Variants in SIGLEC1 observed in about 807,000 individuals in gnomAD.
SIGLEC1 encodes sialic acid binding Ig like lectin 1.
Under a neutral mutation model 148.0 loss-of-function variants are expected in SIGLEC1, and 132 were observed. The ratio of observed to expected loss-of-function variants is 0.89; its 90% CI spans 0.77 to 1.03. SIGLEC1 has a LOEUF of 1.03. Among genes scored for constraint, SIGLEC1 ranks in the 50% least tolerant of loss-of-function variants. The pLI, the probability that SIGLEC1 is intolerant of heterozygous loss-of-function variation, is 0.00. For missense variants in SIGLEC1, 2,253 were observed against 2,271.4 expected, an observed-to-expected ratio of 0.99 and a Z score of 0.16; for synonymous variants, 945 against 969.0, an observed-to-expected ratio of 0.98 and a Z score of 0.46.
chr20:3,694,470 G>A lies in SIGLEC1; in HGVS notation c.3007C>T (p.Leu1003Phe), dbSNP rs1234633933. 3 of 1,601,968 alleles carry A rather than the reference G, an allele frequency of 1.9e-6. No homozygotes were observed. The highest frequency in any genetic ancestry group is 2.3e-5 in the East Asian group (1 of 44,372). Reference protein sequence around the residue: ...MDTGPGRLGLLLCRVDSDPPA... With the variant: ...MDTGPGRLGLFLCRVDSDPPA... ...GGGTCACTGTCCACACGGCACAGGA[G>A]GAGGCCCAGTCGTCCAGGGCCTGTG... is the stretch of plus-strand genomic sequence containing the variant. The change falls in exon 13 of 22, where the codon CTC becomes TTC. Residue 1003 changes from leucine to phenylalanine, a missense_variant. Physicochemically the swap from Leu to Phe is conservative, Grantham distance 22 (BLOSUM62 0). Coordinates refer to ENST00000344754, the MANE Select transcript of SIGLEC1 (RefSeq NM_023068.4).
intron 1 of SIGLEC1, among the ~76,000 whole-genome samples, chr20:3,709,531 G>C (rs2087917494): frequency 6.6e-6 from 1 of 152,162 alleles, no homozygotes; most frequent in Admixed American, 6.5e-5. Context: ...TCCTCAAAAA[G>C]TCAACATAGG....
Position 3,694,228 on chromosome 20 carries a change from G to A in SIGLEC1, c.3249C>T (p.Asp1083=), listed in dbSNP as rs79525664. ...LGQASASADF[D]AQAVNVQVWP... ...ACACACACACACACTGACCTTGAGC[G>A]TCGAAGTCAGCTGAGGCCGAGGCCT... Residue 1083 remains aspartate, a synonymous_variant, in exon 13 of 22, where the codon GAC becomes GAT. Transcript: ENST00000344754. 1,513 of 1,607,066 alleles carry A rather than the reference G, an allele frequency of 9.4e-4. 9 individuals carry two copies. In the African/African-American group the frequency reaches 0.015, roughly 16 times the overall value.
At chr20:3,711,037 G>C (rs1405434759) in intron 1 of SIGLEC1, among the ~76,000 whole-genome samples, 1 of 152,202 alleles carries the variant, frequency 6.6e-6, no homozygotes, top group Non-Finnish European at 1.5e-5. Flanking sequence ...CCGCAACTTG[G>C]GTTGCAGCTG....
chr20:3,702,115 G>A (rs4813637), intron 6 of SIGLEC1, among the ~76,000 whole-genome samples: 98,532 of 151,722 alleles, frequency 0.65, 32,394 homozygotes, highest in East Asian at 0.75. Context: ...AAGTTTCAAT[G>A]TCAAGAATGA....
At chr20:3,702,934 G>T in intron 6 of SIGLEC1, 1 of 484,286 alleles carries the variant, frequency 2.1e-6, no homozygotes, top group Non-Finnish European at 3.7e-6. Context: ...GTTAATAAAT[G>T]GGAAATCTAG....
chr20:3,702,834 T>A (rs1042583868), intron 6 of SIGLEC1, among the ~76,000 whole-genome samples: 2 of 152,222 alleles, frequency 1.3e-5, no homozygotes. Flanking sequence ...CCTGTATATA[T>A]GCAAGTCTAT....
rs1230586034 is a variant in SIGLEC1 at position 3,689,877 on chromosome 20, G to C, written c.4894+85C>G. On this transcript the variant is annotated intron_variant, in intron 19 of 21. Coordinates refer to ENST00000344754, the MANE Select transcript of SIGLEC1 (RefSeq NM_023068.4). The stretch of plus-strand genomic sequence containing the variant: ...CGACAGGCAAATCATGCTGCAGCAG[G>C]AGGGATACAGGGAAGGAAGCCTTTG... 6 of 1,259,990 alleles carry C rather than the reference G, an allele frequency of 4.8e-6. No individual in the cohort carries two copies. The South Asian group carries it at 6.5e-5, about 14-fold the overall frequency. The allele number at this position is 1,259,990 out of a possible 1,614,324, so 78.1% of individuals were successfully genotyped here. A position where few individuals can be genotyped will look rare whatever the true frequency, so the allele number is the denominator to read the frequency against.
intron 1 of SIGLEC1, among the ~76,000 whole-genome samples, chr20:3,711,547 G>A (rs2087929048): frequency 6.6e-6 from 1 of 152,204 alleles, no homozygotes; most frequent in African/African-American, 2.4e-5. Flanking sequence ...CATTGGGCTA[G>A]AGAAGGAAGA....
Position 3,693,710 on chromosome 20 carries a change from G to A in SIGLEC1, c.3257-12C>T. On this transcript the variant is annotated splice_polypyrimidine_tract_variant and intron_variant, in intron 13 of 21. Coordinates refer to ENST00000344754, the MANE Select transcript of SIGLEC1 (RefSeq NM_023068.4). ...CTGCACATTCACAGCTGGGGAGAGG[G>A]AGGGCACAGGACACCAGTGAGGGTC... The A allele has an allele frequency of 6.4e-7, 1 of 1,563,242 alleles. No individual in the cohort carries two copies. Among genetic ancestry groups the A allele is most frequent in the Non-Finnish European group, 8.7e-7 (1 of 1,151,480 alleles).
chr20:3,693,050 C>T lies in SIGLEC1; in HGVS notation c.3590G>A (p.Ser1197Asn). 1 of 1,608,438 alleles carries T rather than the reference C, an allele frequency of 6.2e-7. No individual in the cohort carries two copies. The highest frequency in any genetic ancestry group is 8.5e-7 in the Non-Finnish European group (1 of 1,179,332). ...GAGGGCCAGCTGGGCGGGCGGGCGG[C>T]TGTCCACAGTGCACAGTACCAGGGC... ...QLALVLCTVD[S>N]RPPAQLALSH... The change falls in exon 15 of 22, where the codon AGC (serine) becomes AAC (asparagine). Residue 1197 changes from serine (S) to asparagine (N), a missense_variant. Physicochemically the swap from Ser to Asn is conservative, Grantham distance 46 (BLOSUM62 1). Coordinates refer to ENST00000344754, the MANE Select transcript of SIGLEC1 (RefSeq NM_023068.4).
rs373877896 is a variant in SIGLEC1, at chr20:3,689,135, C to T, written c.5070+20G>A. ...GGGTTAGCTGGGTATTATATCTGCC[C>T]GTGTGTGTTGAATGGATACCTGCGT... On this transcript the variant is annotated intron_variant, in intron 21 of 21. Coordinates refer to ENST00000344754, the MANE Select transcript of SIGLEC1 (RefSeq NM_023068.4). The T allele has an allele frequency of 1.2e-5, 19 of 1,604,736 alleles. No homozygotes were observed. The highest frequency in any genetic ancestry group is 2.2e-5 in the East Asian group (1 of 44,832).
Position 3,705,799 on chromosome 20 carries a change from G to C in SIGLEC1, c.651C>G (p.Cys217Trp). The stretch of plus-strand genomic sequence containing the variant: ...CCCTGTGATTGGCCACGGAGAGCTG[G>C]CAGCGCAGGATCCGGCCGTGGTCCT... ...SWQDHGRILR[C>W]QLSVANHRAQ... is the part of the protein sequence containing the mutation. The change falls in exon 4 of 22, where the codon TGC (cysteine) becomes TGG (tryptophan). Residue 217 changes from cysteine to tryptophan, a missense_variant. Transcript: ENST00000344754. 6.2e-7 allele frequency: 1 copy of C among 1,613,836 alleles called. No homozygotes were observed. Among genetic ancestry groups the C allele is most frequent in the Non-Finnish European group, 8.5e-7 (1 of 1,179,898 alleles).
rs767380751 is a variant in SIGLEC1, at chr20:3,698,146, A to G, written c.1787-13T>C. The stretch of plus-strand genomic sequence containing the variant: ...TGTCGAGGGGGGTCTGCAGGGAGGA[A>G]GAACATGGGCACTCATCCCACGGAT... On this transcript the variant is annotated splice_polypyrimidine_tract_variant and intron_variant, in intron 8 of 21. Transcript: ENST00000344754. The G allele has an allele frequency of 1.5e-5, 23 of 1,566,838 alleles. 1 individual carries two copies. The highest frequency in any genetic ancestry group is 3.5e-5 in the South Asian group (3 of 85,608).
intron 15 of SIGLEC1, 29 bp from the exon 16 acceptor site, chr20:3,692,801 G>A: frequency 6.2e-7 from 1 of 1,601,598 alleles, no homozygotes; most frequent in South Asian, 1.1e-5. Context: ...GATCAGCCGG[G>A]CCCAGCCGGA....
At position 3,696,787 on chromosome 20, in the gene SIGLEC1, C is replaced by A. The variant is rs754558091; in HGVS notation, c.2482G>T (p.Ala828Ser). 1.9e-6 allele frequency: 3 copies of A among 1,612,630 alleles called. No individual in the cohort carries two copies. Among genetic ancestry groups the A allele is most frequent in the Non-Finnish European group, 2.5e-6 (3 of 1,179,612 alleles). Residue 828 changes from alanine (A) to serine (S), a missense_variant, in exon 11 of 22, where the codon GCC becomes TCC. Physicochemically the swap from Ala to Ser is moderately conservative, Grantham distance 99 (BLOSUM62 1). Coordinates refer to ENST00000344754, the MANE Select transcript of SIGLEC1 (RefSeq NM_023068.4). The stretch of plus-strand genomic sequence containing the variant: ...AGGAGGTGCTCCCCATGGAACAAGG[C>A]CAGCAAGGCCAGGGGGCGGCTGTCC... ...TVDSRPLALLALFHGEHLLAT... is the reference protein window; with the variant it reads ...TVDSRPLALLSLFHGEHLLAT...
rs2088800627 is a variant in SIGLEC1, at chr20:3,694,397, G to A, written c.3080C>T (p.Thr1027Ile). The A allele has an allele frequency of 1.8e-5, 29 of 1,613,226 alleles. No homozygotes were observed. In the East Asian group the frequency reaches 6.2e-4, roughly 35 times the overall value. ...LLHGDRLVASTLQGVGGPEGS... is the reference protein window; with the variant it reads ...LLHGDRLVASILQGVGGPEGS... ...TTCGGGTCCCCCCACACCTTGTAGG[G>A]TGGAGGCCACAAGGCGATCCCCGTG... The change falls in exon 13 of 22, where the codon ACC becomes ATC. Residue 1027 changes from threonine to isoleucine, a missense_variant. Physicochemically the swap from Thr to Ile is moderately conservative, Grantham distance 89 (BLOSUM62 -1). Transcript: ENST00000344754.
At position 3,696,894 on chromosome 20, in the gene SIGLEC1, G is replaced by A. The variant is rs369462090; in HGVS notation, c.2381-6C>T. On this transcript the variant is annotated splice_polypyrimidine_tract_variant and splice_region_variant and intron_variant, in intron 10 of 21. Transcript: ENST00000344754. ...CTTTGGACGGTCCGGGGGATCTGCA[G>A]GAACAGAGGGAGCTGAGGCCACCCA... 7.4e-5 allele frequency: 114 copies of A among 1,544,420 alleles called. No individual in the cohort carries two copies. The Middle Eastern group carries it at 9.1e-4, about 12-fold the overall frequency.
intron 3 of SIGLEC1, 116 bp downstream of exon 3, chr20:3,706,231 G>A: frequency 6.9e-7 from 1 of 1,442,564 alleles, no homozygotes; most frequent in Non-Finnish European, 9.3e-7. Flanking sequence ...GGCTGGAACA[G>A]AGGCTGAGAC....
Position 3,688,268 on chromosome 20 carries a change from G to A in SIGLEC1, c.*292C>T, listed in dbSNP as rs1247815807. 1 of 424,938 alleles carries A rather than the reference G, an allele frequency of 2.4e-6. No individual in the cohort carries two copies. The highest frequency in any genetic ancestry group is 2.0e-5 in the African/African-American group (1 of 49,336). The allele number at this position is 424,938 out of a possible 1,614,324, so 26.3% of individuals were successfully genotyped here. ...TCGAGGAGAAGGATGTGAAAGGGCA[G>A]GGCTTCCTTTGAGGGAGAAATGGAG... On this transcript the variant is annotated 3_prime_UTR_variant, in exon 22 of 22. Coordinates refer to ENST00000344754, the MANE Select transcript of SIGLEC1 (RefSeq NM_023068.4).
Sources: gnomAD v4.1 joint callset for allele counts (sites outside exome capture counted in the v4.1 genomes callset) on GRCh38, gnomAD v4.1.1 for gene constraint, MANE v1.5 for transcripts, NCBI Gene and HGNC (gene_info 2026-07-23, HGNC 2026-07-21) for gene names.